CBX3: variants seen among roughly 807,000 people sequenced by gnomAD.
CBX3 encodes the protein chromobox 3.
CBX3 carries 5 observed loss-of-function variants against 22.6 expected under a neutral mutation model. The observed-to-expected ratio is 0.22, with a 90% CI of 0.12 to 0.47. The LOEUF is 0.47. CBX3 is among the 20% of genes least tolerant of loss of function. CBX3 has a pLI of 0.99. For synonymous variants in CBX3, 50 were observed against 66.6 expected (o/e 0.75, Z 1.21); for missense variants, 83 against 208.1 (o/e 0.40, Z 3.70).
At chr7:26,204,702 C>G (rs1433217342) in intron 2 of CBX3, among the ~76,000 whole-genome samples, 1 of 152,124 alleles carries the variant, frequency 6.6e-6, no homozygotes, top group Non-Finnish European at 1.5e-5. Flanking sequence ...GTGTTCTTAA[C>G]TTTTTTCTGC....
chr7:26,204,363 T>G (rs73281551), intron 2 of CBX3, among the ~76,000 whole-genome samples: 4,211 of 152,310 alleles, frequency 0.028, 70 homozygotes, highest in Middle Eastern at 0.048. Context: ...TCTGATACAC[T>G]TCTGTCTATT....
chr7:26,211,078 T>TAAAA (rs74744309), intron 4 of CBX3, among the ~76,000 whole-genome samples: 43 of 106,698 alleles, frequency 4.0e-4, no homozygotes, highest in African/African-American at 8.2e-4. Flanking sequence ...GCTGATGAGC[T>TAAAA]AAAAAAAAAA....
At chr7:26,203,757 T>G (rs1351827209) in intron 2 of CBX3, among the ~76,000 whole-genome samples, 1 of 152,186 alleles carries the variant, frequency 6.6e-6, no homozygotes, top group Admixed American at 6.5e-5. Flanking sequence ...TGTTAATGTC[T>G]CCTAGGTAAA....
At chr7:26,211,919 C>A (rs909640775) in intron 5 of CBX3, among the ~76,000 whole-genome samples, 163 bp downstream of exon 5, 1 of 151,858 alleles carries the variant, frequency 6.6e-6, no homozygotes, top group African/African-American at 2.4e-5. Flanking sequence ...CAAACTGTGG[C>A]CTGTTTTGAA....
chr7:26,203,432 T>C (rs984725480), intron 2 of CBX3, among the ~76,000 whole-genome samples: 2 of 152,200 alleles, frequency 1.3e-5, no homozygotes, highest in African/African-American at 4.8e-5. Context: ...AGGTACCTTG[T>C]GCACCTAGGT....
At chr7:26,209,114 C>G (rs1784748372) in intron 4 of CBX3, among the ~76,000 whole-genome samples, 1 of 150,972 alleles carries the variant, frequency 6.6e-6, no homozygotes, top group South Asian at 2.1e-4. Context: ...ACCATGTTGG[C>G]CAGACTGATC....
At position 26,202,971 on chromosome 7, in the gene CBX3, T is replaced by G; in HGVS notation, c.-28T>G. 6.3e-7 allele frequency: 1 copy of G among 1,593,768 alleles called. No individual in the cohort carries two copies. ...CCTTAACTGTCATGCATTTTTCTAG[T>G]AATAGCTCTTCAAGTCTGCAATAAA... is the stretch of plus-strand genomic sequence containing the variant. On this transcript the variant is annotated splice_region_variant and 5_prime_UTR_variant, in exon 2 of 6. Coordinates refer to ENST00000396386, the MANE Select transcript of CBX3 (RefSeq NM_016587.4).
intron 3 of CBX3, among the ~76,000 whole-genome samples, chr7:26,207,006 C>T (rs906497062): frequency 2.6e-5 from 4 of 152,136 alleles, no homozygotes; most frequent in African/African-American, 9.7e-5. Flanking sequence ...GGATTGCTCT[C>T]ATTATTCTTG....
chr7:26,211,794 T>C (rs1784807004), intron 5 of CBX3, 38 bp downstream of exon 5: 1 of 1,412,814 alleles, frequency 7.1e-7, no homozygotes, highest in Non-Finnish European at 9.7e-7. Flanking sequence ...AAAGTAAGAG[T>C]AGCTTTTTTT....
At chr7:26,209,332 T>C (rs1384641723) in intron 4 of CBX3, among the ~76,000 whole-genome samples, 1 of 152,248 alleles carries the variant, frequency 6.6e-6, no homozygotes, top group Non-Finnish European at 1.5e-5. Context: ...TGTGTAAATG[T>C]GCAGTAAGTG....
At chr7:26,209,653 A>G (rs929037685) in intron 4 of CBX3, among the ~76,000 whole-genome samples, 1 of 151,974 alleles carries the variant, frequency 6.6e-6, no homozygotes, top group African/African-American at 2.4e-5. Flanking sequence ...TGAGACATTC[A>G]GTTCATTCAC....
chr7:26,211,606 C>A, intron 4 of CBX3, 56 bp from the exon 5 acceptor site: 2 of 1,082,420 alleles, frequency 1.8e-6, no homozygotes, highest in Non-Finnish European at 2.7e-6. Context: ...TAAAATACGC[C>A]ATGAAAACAA....
In CBX3 at chr7:26,206,351, CTTTTG is replaced by C. The variant is rs746627330; in HGVS notation, c.25-12_25-8del. ...TCAAGAGGAATATTTCTTAATTTCT[CTTTTG>C]TTTTATTTTAGCAAAAAATGGGAAA... is the stretch of plus-strand genomic sequence containing the variant. On this transcript the variant is annotated splice_polypyrimidine_tract_variant and intron_variant, in intron 2 of 5. Transcript: ENST00000396386. 7 of 1,542,512 alleles carry C rather than the reference CTTTTG, an allele frequency of 4.5e-6. No homozygotes were observed. Among genetic ancestry groups the C allele is most frequent in the South Asian group, 1.2e-5 (1 of 86,548 alleles).
At position 26,213,516 on chromosome 7, in the gene CBX3, A is replaced by G. The variant is rs941206348; in HGVS notation, c.*1308A>G. Among the ~76,000 whole-genome samples the G allele has an allele frequency of 6.6e-6, 1 of 152,168 alleles. No homozygotes were observed. The highest frequency in any genetic ancestry group is 2.4e-5 in the African/African-American group (1 of 41,438). On this transcript the variant is annotated 3_prime_UTR_variant, in exon 6 of 6. Transcript: ENST00000396386. Reference sequence around the variant, plus strand: ...TTACGAGTTTTAAACTTGAATATGTATTTCCACAGGAATGTTTCCACAGTT... The same window carrying G: ...TTACGAGTTTTAAACTTGAATATGTGTTTCCACAGGAATGTTTCCACAGTT...
chr7:26,206,524 G>C lies in CBX3; in HGVS notation c.167+14G>C. Reference sequence around the variant, plus strand: ...GGGATTTACAGAGTAAGAAACTTTAGTGCATCTTTACTATATGTTTAACTG... The same window carrying C: ...GGGATTTACAGAGTAAGAAACTTTACTGCATCTTTACTATATGTTTAACTG... On this transcript the variant is annotated intron_variant, in intron 3 of 5. Transcript: ENST00000396386. 1.3e-6 allele frequency: 2 copies of C among 1,590,402 alleles called. No homozygotes were observed. Among genetic ancestry groups the C allele is most frequent in the Non-Finnish European group, 1.7e-6 (2 of 1,166,398 alleles).
At chr7:26,202,135 C>G (rs1444595699) in intron 1 of CBX3, 1 of 152,098 alleles carries the variant, frequency 6.6e-6, no homozygotes, top group Non-Finnish European at 1.5e-5. Context: ...GCGGAGGCGC[C>G]CCCTCCCCCA....
At chr7:26,203,376 C>T (rs1784597185) in intron 2 of CBX3, among the ~76,000 whole-genome samples, 1 of 152,100 alleles carries the variant, frequency 6.6e-6, no homozygotes, top group Non-Finnish European at 1.5e-5. Flanking sequence ...CTTAAATCCC[C>T]AGAATTCTGG....
chr7:26,204,356 G>A (rs926613004), intron 2 of CBX3, among the ~76,000 whole-genome samples: 1 of 151,836 alleles, frequency 6.6e-6, no homozygotes, highest in African/African-American at 2.4e-5. Flanking sequence ...ATAGGTATCT[G>A]ATACACTTCT....
rs1356653749 is a variant in CBX3, at chr7:26,208,390, C to T, written c.168-3C>T. On this transcript the variant is annotated splice_region_variant and splice_polypyrimidine_tract_variant and intron_variant, in intron 3 of 5. Coordinates refer to ENST00000396386, the MANE Select transcript of CBX3 (RefSeq NM_016587.4). ...TTTTTTTTTTTTAATAAACTAAACA[C>T]AGTGCTGACAATACTTGGGAACCTG... is the stretch of plus-strand genomic sequence containing the variant. 2.5e-6 allele frequency: 3 copies of T among 1,223,714 alleles called. No individual in the cohort carries two copies. Among genetic ancestry groups the T allele is most frequent in the East Asian group, 6.2e-5 (2 of 32,188 alleles). The allele number at this position is 1,223,714 out of a possible 1,614,324, so 75.8% of individuals were successfully genotyped here.
Sources: gnomAD v4.1 joint callset for allele counts (sites outside exome capture counted in the v4.1 genomes callset) on GRCh38, gnomAD v4.1.1 for gene constraint, MANE v1.5 for transcripts, NCBI Gene and HGNC (gene_info 2026-07-23, HGNC 2026-07-21) for gene names.